The following NUP205 variants were observed in gnomAD, a reference collection of about 807,000 sequenced individuals.
NUP205 encodes the protein nucleoporin 205, also known as nuclear pore complex protein Nup205.
NUP205 carries 76 observed loss-of-function variants against 253.8 expected under a neutral mutation model. The observed-to-expected ratio is 0.30, with a 90% CI of 0.25 to 0.36. The LOEUF (loss-of-function observed/expected upper bound fraction) is 0.36. NUP205 is among the 10% of genes least tolerant of loss of function. The pLI, the probability that NUP205 is intolerant of heterozygous loss-of-function variation, is 1.00. For missense variants in NUP205, 2,162 were observed against 2,425.5 expected (o/e 0.89, Z 2.28); for synonymous variants, 832 against 850.1 (o/e 0.98, Z 0.37).
chr7:135,574,531 G>A (rs1806095864), intron 3 of NUP205, among the ~76,000 whole-genome samples: 1 of 152,112 alleles, frequency 6.6e-6, no homozygotes, highest in Non-Finnish European at 1.5e-5. Context: ...CAAGCAGCCA[G>A]TGCTTGAGGT....
chr7:135,594,337 T>C (rs1237701442), intron 12 of NUP205, among the ~76,000 whole-genome samples: 1 of 152,210 alleles, frequency 6.6e-6, no homozygotes, highest in Non-Finnish European at 1.5e-5. Context: ...CTACAAAGTC[T>C]ATATCTCCTC....
chr7:135,570,738 TTA>T (rs1285890673), intron 1 of NUP205, among the ~76,000 whole-genome samples: 1 of 98,416 alleles, frequency 1.0e-5, no homozygotes, highest in Non-Finnish European at 1.9e-5. Flanking sequence ...ATATATTATA[TTA>T]ATATATTAAT....
chr7:135,623,939 C>T (rs929742722), intron 31 of NUP205, among the ~76,000 whole-genome samples: 14 of 151,326 alleles, frequency 9.3e-5, no homozygotes, highest in Non-Finnish European at 1.3e-4. Context: ...CCCGCCACTA[C>T]GCCTGGCTAA....
At chr7:135,582,856 C>T (rs146528120) in intron 7 of NUP205, among the ~76,000 whole-genome samples, 5,165 of 136,442 alleles carry the variant, frequency 0.038, 119 homozygotes, top group Middle Eastern at 0.13. Context: ...TTGGGGAGGC[C>T]GAGGCGGGTG....
At chr7:135,606,253 C>A in intron 20 of NUP205, 27 bp downstream of exon 20, 4 of 1,383,038 alleles carry the variant, frequency 2.9e-6, no homozygotes, top group Non-Finnish European at 4.1e-6. Context: ...TGTGCATACA[C>A]GCATTCTTTT....
At chr7:135,614,337 TTATACAA>T (rs1236274617) in intron 23 of NUP205, 64 bp downstream of exon 23, 6 of 891,162 alleles carry the variant, frequency 6.7e-6, no homozygotes, top group Non-Finnish European at 1.1e-5. Context: ...GTGATTTTAT[TTATACAA>T]TATTTGGGGG....
Position 135,613,141 on chromosome 7 carries a change from A to AT in NUP205, c.3196-1007dup, listed in dbSNP as rs547869729. 5.8e-3 allele frequency among the ~76,000 whole-genome samples: 848 copies of AT among 147,094 alleles called. 14 individuals carry two copies. Among genetic ancestry groups the AT allele is most frequent in the East Asian group, 0.045 (230 of 5,060 alleles). On this transcript the variant is annotated intron_variant, in intron 22 of 42. Coordinates refer to ENST00000285968, the MANE Select transcript of NUP205 (RefSeq NM_015135.3). ...ATGATACCTACCTATTATCATCTTGATTTTTTTTTTTAATTCCTGAAAACA... is the reference window on the plus strand; with the variant it reads ...ATGATACCTACCTATTATCATCTTGATTTTTTTTTTTTAATTCCTGAAAACA...
intron 13 of NUP205, among the ~76,000 whole-genome samples, chr7:135,595,502 G>A (rs2129490372): frequency 6.6e-6 from 1 of 152,248 alleles, no homozygotes; most frequent in African/African-American, 2.4e-5. Flanking sequence ...GGGATGACAG[G>A]TGTGAGCCAC....
chr7:135,622,981 T>G, intron 31 of NUP205, 56 bp downstream of exon 31: 2 of 1,555,976 alleles, frequency 1.3e-6, no homozygotes, highest in South Asian at 1.1e-5. Flanking sequence ...CTTATTAAGG[T>G]ATAAACTGAT....
rs925408023 is a variant in NUP205 at position 135,603,007 on chromosome 7, T to A, written c.2702+13T>A. On this transcript the variant is annotated intron_variant, in intron 18 of 42. Transcript: ENST00000285968. ...TAAACATTGCCAGGTAAGTTACCTT[T>A]GTAGGTAGAGAAATGAAGTAAACAG... The A allele has an allele frequency of 1.4e-5, 22 of 1,591,496 alleles. No individual in the cohort carries two copies. The highest frequency in any genetic ancestry group is 1.8e-5 in the Non-Finnish European group (21 of 1,163,248).
chr7:135,567,126 G>A (rs113300197), intron 1 of NUP205, among the ~76,000 whole-genome samples: 2,085 of 4,948 alleles, frequency 0.42, 295 homozygotes, highest in Middle Eastern at 0.5. Flanking sequence ...CAGTCTATGT[G>A]TGTATATATA....
intron 30 of NUP205, among the ~76,000 whole-genome samples, chr7:135,621,608 T>C (rs770448753): frequency 1.3e-5 from 2 of 152,236 alleles, no homozygotes; most frequent in Non-Finnish European, 2.9e-5. Flanking sequence ...AAGAGTATGT[T>C]TGTGGGTCTT....
intron 30 of NUP205, among the ~76,000 whole-genome samples, chr7:135,621,001 A>G (rs1401372690): frequency 6.6e-6 from 1 of 152,182 alleles, no homozygotes; most frequent in Non-Finnish European, 1.5e-5. Flanking sequence ...ATGTTCAATC[A>G]AGTTATTCAG....
intron 30 of NUP205, among the ~76,000 whole-genome samples, chr7:135,622,278 C>T (rs368900584): frequency 2.4e-4 from 37 of 151,764 alleles, no homozygotes; most frequent in African/African-American, 8.4e-4. Flanking sequence ...CAAAAATTAG[C>T]TGGGCATGGT....
chr7:135,585,982 C>T (rs2129490087), intron 8 of NUP205, among the ~76,000 whole-genome samples: 1 of 152,314 alleles, frequency 6.6e-6, no homozygotes, highest in South Asian at 2.1e-4. Context: ...AAAAGCGATT[C>T]TTAGAGCTAT....
chr7:135,587,985 A>G lies in NUP205; in HGVS notation c.1466A>G (p.Gln489Arg). The change falls in exon 10 of 43, where the codon CAA becomes CGA. Residue 489 changes from glutamine to arginine, a missense_variant. Around this residue, in one of 5 missense-constraint regions of NUP205, gnomAD observed 892 missense variants for 957.1 expected, o/e 0.93. Transcript: ENST00000285968. ...GGGGTGGCTCATCAGCGGCCCCCTCAACGCCAGGTGAGTCTTTAGGTTTTC... is the reference window on the plus strand; with the variant it reads ...GGGGTGGCTCATCAGCGGCCCCCTCGACGCCAGGTGAGTCTTTAGGTTTTC... The part of the protein sequence containing the change: ...YLGVAHQRPP[Q>R]RQVVLSKFVR... 2 of 1,612,348 alleles carry G rather than the reference A, an allele frequency of 1.2e-6. No homozygotes were observed. The highest frequency in any genetic ancestry group is 1.7e-6 in the Non-Finnish European group (2 of 1,179,516).
chr7:135,573,632 A>C (rs184667535), intron 2 of NUP205, 22 bp from the exon 3 acceptor site: 12 of 1,599,202 alleles, frequency 7.5e-6, no homozygotes, highest in Non-Finnish European at 9.4e-6. Flanking sequence ...TTTTCATAAC[A>C]ATTACAATTT....
At chr7:135,561,387 A>G (rs987889096) in intron 1 of NUP205, among the ~76,000 whole-genome samples, 1 of 152,164 alleles carries the variant, frequency 6.6e-6, no homozygotes, top group Non-Finnish European at 1.5e-5. Context: ...CTATGCTTGT[A>G]TTTCAGCTGT....
chr7:135,623,028 A>C, intron 31 of NUP205, 103 bp downstream of exon 31: 3 of 1,226,508 alleles, frequency 2.4e-6, no homozygotes, highest in Non-Finnish European at 2.3e-6. Flanking sequence ...CTGTAATCTC[A>C]GTGCTTTCGA....
Sources: allele counts gnomAD v4.1 joint callset (sites outside exome capture counted in the v4.1 genomes callset), GRCh38; gene constraint gnomAD v4.1.1; regional missense constraint gnomAD v4.1.1; transcripts MANE v1.5; gene names NCBI Gene and HGNC (gene_info 2026-07-23, HGNC 2026-07-21).